HECW2: variants seen among roughly 807,000 people sequenced by gnomAD.
HECW2 encodes the protein E3 ubiquitin-protein ligase HECW2.
A neutral mutation model predicts 175.2 loss-of-function variants in HECW2; 61 were observed. The ratio of observed to expected loss-of-function variants is 0.35; its 90% CI spans 0.28 to 0.43. The LOEUF (loss-of-function observed/expected upper bound fraction) is 0.43. HECW2 is among the 20% of genes least tolerant of loss of function. The pLI is 1.00. For missense variants in HECW2, 1,524 were observed against 2,000.5 expected (o/e 0.76, Z 4.54); for synonymous variants, 671 against 731.0 (o/e 0.92, Z 1.32).
chr2:196,235,459 C>T (rs1425328466), intron 21 of HECW2, among the ~76,000 whole-genome samples: 2 of 151,840 alleles, frequency 1.3e-5, no homozygotes, highest in African/African-American at 4.8e-5. Flanking sequence ...CTAATTCTAC[C>T]TTGCATGGAA....
In HECW2 at chr2:196,194,547, A is replaced by G. The variant is rs1201170568; in HGVS notation, c.*6730T>C. ...AAAAGAGTCAGGGGTTCAGTTGAGAATAAGAATACAGACTTCCCAGAAAAT... is the reference window on the plus strand; with the variant it reads ...AAAAGAGTCAGGGGTTCAGTTGAGAGTAAGAATACAGACTTCCCAGAAAAT... On this transcript the variant is annotated 3_prime_UTR_variant, in exon 29 of 29. Transcript: ENST00000644978. 1 of 152,198 alleles carries G rather than the reference A, an allele frequency of 6.6e-6. No homozygotes were observed. The highest frequency in any genetic ancestry group is 1.5e-5 in the Non-Finnish European group (1 of 68,028). The allele number at this position is 152,198 out of a possible 1,614,324, so 9.4% of individuals were successfully genotyped here.
chr2:196,204,961 C>T (rs1361257826), intron 28 of HECW2, among the ~76,000 whole-genome samples: 1 of 152,144 alleles, frequency 6.6e-6, no homozygotes, highest in Non-Finnish European at 1.5e-5. Context: ...ATCCACAAGC[C>T]TAAATACTCT....
intron 1 of HECW2, among the ~76,000 whole-genome samples, chr2:196,527,648 G>C (rs1387488459): frequency 1.3e-5 from 2 of 152,198 alleles, no homozygotes; most frequent in Admixed American, 6.5e-5. Flanking sequence ...ATTTAAAACA[G>C]TATTTTTATG....
At position 196,322,383 on chromosome 2, in the gene HECW2, A is replaced by G. The variant is rs1314104098; in HGVS notation, c.884+95T>C. On this transcript the variant is annotated intron_variant, in intron 7 of 28. Coordinates refer to ENST00000644978, the MANE Select transcript of HECW2 (RefSeq NM_001348768.2). ...TAAAAGAATTGTGTTACTACTTCTT[A>G]TCAGTATGAAAAGTCCTAGGACTAC... The G allele has an allele frequency of 5.5e-6, 5 of 915,576 alleles. No homozygotes were observed. The East Asian group carries it at 1.3e-4, about 23-fold the overall frequency. The allele number at this position is 915,576 out of a possible 1,614,324, so 56.7% of individuals were successfully genotyped here.
intron 2 of HECW2, among the ~76,000 whole-genome samples, chr2:196,367,163 A>C (rs757933139): frequency 2.6e-5 from 4 of 152,144 alleles, no homozygotes; most frequent in Non-Finnish European, 5.9e-5. Context: ...TTACCACCAT[A>C]GTGTATGATT....
chr2:196,526,666 T>G (rs537293992), intron 1 of HECW2, among the ~76,000 whole-genome samples: 1 of 143,812 alleles, frequency 7.0e-6, no homozygotes, highest in South Asian at 2.2e-4. Flanking sequence ...GGTGTGGATG[T>G]CCTTTCTGTT....
chr2:196,397,699 A>G (rs2125196679), intron 2 of HECW2, among the ~76,000 whole-genome samples: 1 of 152,334 alleles, frequency 6.6e-6, no homozygotes, highest in Middle Eastern at 3.4e-3. Flanking sequence ...GTTTAAATTA[A>G]GAAAGTAAAT....
At chr2:196,566,603 C>T (rs1241167192) in intron 1 of HECW2, among the ~76,000 whole-genome samples, 2 of 150,136 alleles carry the variant, frequency 1.3e-5, no homozygotes, top group Non-Finnish European at 1.5e-5. Context: ...ACGATCTTGG[C>T]TCACTGCAAC....
chr2:196,246,099 A>T (rs1489792682), intron 19 of HECW2, among the ~76,000 whole-genome samples: 1 of 152,212 alleles, frequency 6.6e-6, no homozygotes, highest in Non-Finnish European at 1.5e-5. Flanking sequence ...ACACAGGGCA[A>T]ATGTTTCCTG....
At chr2:196,308,968 G>A (rs1167599260) in intron 10 of HECW2, among the ~76,000 whole-genome samples, 3 of 152,170 alleles carry the variant, frequency 2.0e-5, no homozygotes, top group African/African-American at 4.8e-5. Flanking sequence ...AAAATTCTTT[G>A]TGCATTTATA....
intron 6 of HECW2, among the ~76,000 whole-genome samples, chr2:196,323,934 T>TTTG (rs1692053386): frequency 6.7e-6 from 1 of 149,154 alleles, no homozygotes; most frequent in Non-Finnish European, 1.5e-5. Context: ...TTTTTTTTTT[T>TTTG]TTTACCATGA....
At position 196,254,047 on chromosome 2, in the gene HECW2, A is replaced by C; in HGVS notation, c.3420-18T>G. 1 of 1,612,598 alleles carries C rather than the reference A, an allele frequency of 6.2e-7. No individual in the cohort carries two copies. Among genetic ancestry groups the C allele is most frequent in the Non-Finnish European group, 8.5e-7 (1 of 1,179,030 alleles). ...CAAATAAGCTGGGGAAAGACAAGAA[A>C]CAAAACGGGCACTTCAGCCAAAGTA... is the stretch of plus-strand genomic sequence containing the variant. On this transcript the variant is annotated intron_variant, in intron 18 of 28. Coordinates refer to ENST00000644978, the MANE Select transcript of HECW2 (RefSeq NM_001348768.2).
At chr2:196,583,826 C>G (rs1191364268) in intron 1 of HECW2, among the ~76,000 whole-genome samples, 1 of 152,182 alleles carries the variant, frequency 6.6e-6, no homozygotes, top group Non-Finnish European at 1.5e-5. Flanking sequence ...TACACAGGGG[C>G]ATCTGCCAAG....
rs1691995782 is a variant in HECW2, at chr2:196,322,730, G to A, written c.742-110C>T. 11 of 908,812 alleles carry A rather than the reference G, an allele frequency of 1.2e-5. No homozygotes were observed. The South Asian group carries it at 2.0e-4, about 16-fold the overall frequency. The allele number at this position is 908,812 out of a possible 1,614,324, so 56.3% of individuals were successfully genotyped here. A position where few individuals can be genotyped will look rare whatever the true frequency, so the allele number is the denominator to read the frequency against. On this transcript the variant is annotated intron_variant, in intron 6 of 28. Transcript: ENST00000644978. ...CTCTTAAATTCTAACAACATACAGAGTTCCACATAGCTAGAAATAGCTGCA... is the reference window on the plus strand; with the variant it reads ...CTCTTAAATTCTAACAACATACAGAATTCCACATAGCTAGAAATAGCTGCA...
chr2:196,228,045 A>G, intron 22 of HECW2, 57 bp downstream of exon 22: 3 of 1,431,378 alleles, frequency 2.1e-6, no homozygotes, highest in Non-Finnish European at 2.8e-6. Flanking sequence ...GGTTCTATAA[A>G]AAAACTAATA....
chr2:196,240,529 A>C lies in HECW2; in HGVS notation c.3684T>G (p.Asp1228Glu), dbSNP rs906908096. The change falls in exon 21 of 29, where the codon GAT becomes GAG. Residue 1228 changes from aspartate (D) to glutamate (E), a missense_variant. This residue lies in a region of HECW2 where 291 missense variants were observed against 412.2 expected (regional missense o/e 0.71). Transcript: ENST00000644978. ...LIIRRDHLLE[D>E]AFNQIMGYSR... ...AGTAGCCCATAATCTGATTAAAAGC[A>C]TCTTCTAGTAAGTGATCTCTTCGGA... The C allele has an allele frequency of 3.1e-6, 5 of 1,611,104 alleles. No individual in the cohort carries two copies. Among genetic ancestry groups the C allele is most frequent in the Non-Finnish European group, 3.4e-6 (4 of 1,179,078 alleles).
chr2:196,477,918 G>A (rs549798454), intron 1 of HECW2, among the ~76,000 whole-genome samples: 6 of 152,202 alleles, frequency 3.9e-5, no homozygotes, highest in African/African-American at 7.2e-5. Context: ...CGAACATGGT[G>A]GCACGTGCCT....
At chr2:196,228,308 G>A in intron 21 of HECW2, 54 bp from the exon 22 acceptor site, 1 of 1,536,558 alleles carries the variant, frequency 6.5e-7, no homozygotes, top group Non-Finnish European at 8.8e-7. Context: ...CTAGATATTG[G>A]GCAGTTTTTC....
chr2:196,386,804 A>C (rs751684677), intron 2 of HECW2, among the ~76,000 whole-genome samples: 2 of 152,198 alleles, frequency 1.3e-5, no homozygotes, highest in Non-Finnish European at 2.9e-5. Flanking sequence ...CAAATTCATA[A>C]AACAAAAAAT....
Sources: gnomAD v4.1 joint callset for allele counts (sites outside exome capture counted in the v4.1 genomes callset) on GRCh38, gnomAD v4.1.1 for gene constraint, gnomAD v4.1.1 regional missense constraint, MANE v1.5 for transcripts, NCBI Gene and HGNC (gene_info 2026-07-23, HGNC 2026-07-21) for gene names.